Variants in RAD9B observed in about 807,000 individuals in gnomAD.
RAD9B encodes the protein cell cycle checkpoint control protein RAD9B.
RAD9B carries 41 observed loss-of-function variants against 48.3 expected under a neutral mutation model. That is an observed-to-expected ratio of 0.85 (90% CI 0.66 to 1.10). RAD9B has a LOEUF of 1.10. Ranked by LOEUF, RAD9B falls within the 50% of genes least tolerant of loss-of-function variation. The pLI is 0.00. For missense variants in RAD9B, 444 were observed against 485.1 expected (o/e 0.92, Z 0.80); for synonymous variants, 160 against 157.9 (o/e 1.01, Z -0.10).
At position 110,531,737 on chromosome 12, in the gene RAD9B, C is replaced by T. The variant is rs2064145622; in HGVS notation, c.*1084C>T. 5 of 1,002,930 alleles carry T rather than the reference C, an allele frequency of 5.0e-6. No homozygotes were observed. The highest frequency in any genetic ancestry group is 7.4e-6 in the Non-Finnish European group (5 of 678,116). 62.1% of individuals were successfully genotyped at this position (1,002,930 alleles called of 1,614,324 possible). A position where few individuals can be genotyped will look rare whatever the true frequency, so the allele number is the denominator to read the frequency against. On this transcript the variant is annotated 3_prime_UTR_variant, in exon 11 of 11. Transcript: ENST00000409300. ...CCTTTAAGAGTTAGCTTTTTACCTG[C>T]ACAAATGGACTAAAAAATCTGGCAC...
chr12:110,531,366 G>C lies in RAD9B; in HGVS notation c.*713G>C, dbSNP rs1190482647. ...TGCCACCATGCCTGGCTAATTTCTG[G>C]TATTTTGTAGAGACAGGGTTTCGCC... On this transcript the variant is annotated 3_prime_UTR_variant, in exon 11 of 11. Coordinates refer to ENST00000409300, the MANE Select transcript of RAD9B (RefSeq NM_001286535.2). 1.4e-5 allele frequency: 6 copies of C among 432,082 alleles called. No individual in the cohort carries two copies. Among genetic ancestry groups the C allele is most frequent in the Admixed American group, 4.4e-5 (1 of 22,602 alleles). The allele number at this position is 432,082 out of a possible 1,614,324, so 26.8% of individuals were successfully genotyped here.
chr12:110,505,009 G>A (rs992038647), intron 2 of RAD9B, among the ~76,000 whole-genome samples: 1 of 151,924 alleles, frequency 6.6e-6, no homozygotes, highest in Non-Finnish European at 1.5e-5. Context: ...TTGAAAAAAA[G>A]TAAAAAAGAA....
intron 1 of RAD9B, chr12:110,502,997 C>G (rs1348738302): frequency 1.3e-5 from 2 of 153,378 alleles, no homozygotes; most frequent in African/African-American, 4.8e-5. Context: ...GTAATCCTAG[C>G]ACTTTGGGAG....
chr12:110,503,765 G>A (rs2063172743), intron 1 of RAD9B, 41 bp from the exon 2 acceptor site: 1 of 1,419,088 alleles, frequency 7.0e-7, no homozygotes, highest in Admixed American at 1.8e-5. Flanking sequence ...TTTATTGTTA[G>A]AGGGAAAGAA....
chr12:110,503,769 G>T (rs779589584), intron 1 of RAD9B, 37 bp from the exon 2 acceptor site: 3 of 1,455,678 alleles, frequency 2.1e-6, no homozygotes, highest in Middle Eastern at 1.7e-4. Context: ...TTGTTAGAGG[G>T]AAAGAATATA....
rs928615378 is a variant in RAD9B at position 110,522,035 on chromosome 12, A to T, written c.891-142A>T. On this transcript the variant is annotated intron_variant, in intron 9 of 10. Coordinates refer to ENST00000409300, the MANE Select transcript of RAD9B (RefSeq NM_001286535.2). ...ATAAATGATCATATATATAAATTTT[A>T]ACTTGCAACAATTTAGTTCCATGTA... 27 of 604,922 alleles carry T rather than the reference A, an allele frequency of 4.5e-5. 1 individual carries two copies. The highest frequency in any genetic ancestry group is 4.0e-4 in the South Asian group (17 of 42,172). The allele number at this position is 604,922 out of a possible 1,614,324, so 37.5% of individuals were successfully genotyped here.
chr12:110,512,942 C>A (rs988688625), intron 5 of RAD9B, 64 bp downstream of exon 5: 3 of 774,502 alleles, frequency 3.9e-6, no homozygotes, highest in Non-Finnish European at 6.5e-6. Context: ...AGTGAAGAAT[C>A]AATGCCCTAG....
At chr12:110,507,445 T>C (rs1214580514) in intron 4 of RAD9B, among the ~76,000 whole-genome samples, 3 of 139,802 alleles carry the variant, frequency 2.1e-5, no homozygotes, top group Non-Finnish European at 4.6e-5. Flanking sequence ...TTAAATATAA[T>C]ATATAACACG....
Position 110,531,942 on chromosome 12 carries a change from A to G in RAD9B, c.*1289A>G, listed in dbSNP as rs544212550. On this transcript the variant is annotated 3_prime_UTR_variant, in exon 11 of 11. Coordinates refer to ENST00000409300, the MANE Select transcript of RAD9B (RefSeq NM_001286535.2). ...AGTTGTACTTTAGACTTTGTGAGAA[A>G]TTCATAAAGGTGGCTGAGTGGATTT... is the stretch of plus-strand genomic sequence containing the variant. 6.5e-6 allele frequency: 2 copies of G among 305,752 alleles called. No individual in the cohort carries two copies. The highest frequency in any genetic ancestry group is 5.4e-5 in the Admixed American group (1 of 18,368). The allele number at this position is 305,752 out of a possible 1,614,324, so 18.9% of individuals were successfully genotyped here.
rs1465600839 is a variant in RAD9B, at chr12:110,532,031, TAGTAATG to T, written c.*1382_*1388del. ...CAGAATTAATTTGGCTCTTGTAGCTTAGTAATGAGTCATAGCTACCCACAATAACCTA... is the reference window on the plus strand; with the variant it reads ...CAGAATTAATTTGGCTCTTGTAGCTTAGTCATAGCTACCCACAATAACCTA... On this transcript the variant is annotated 3_prime_UTR_variant, in exon 11 of 11. Transcript: ENST00000409300. 2.4e-5 allele frequency: 4 copies of T among 168,038 alleles called. No individual in the cohort carries two copies. The highest frequency in any genetic ancestry group is 3.8e-5 in the Non-Finnish European group (3 of 79,090). The allele number at this position is 168,038 out of a possible 1,614,324, so 10.4% of individuals were successfully genotyped here. A position where few individuals can be genotyped will look rare whatever the true frequency, so the allele number is the denominator to read the frequency against.
chr12:110,506,572 G>A lies in RAD9B; in HGVS notation c.274-7G>A. Reference sequence around the variant, plus strand: ...GTATGTGCTTAATATGTATATTTCTGTTACAGTCAATTTTGCCCATCTTTA... The same window carrying A: ...GTATGTGCTTAATATGTATATTTCTATTACAGTCAATTTTGCCCATCTTTA... On this transcript the variant is annotated splice_region_variant and splice_polypyrimidine_tract_variant and intron_variant, in intron 3 of 10. Coordinates refer to ENST00000409300, the MANE Select transcript of RAD9B (RefSeq NM_001286535.2). The A allele has an allele frequency of 7.6e-7, 1 of 1,316,732 alleles. No individual in the cohort carries two copies. The allele number at this position is 1,316,732 out of a possible 1,614,324, so 81.6% of individuals were successfully genotyped here.
chr12:110,505,672 C>T lies in RAD9B; in HGVS notation c.173C>T (p.Ser58Phe). ...SRSAYGCVLF[S>F]PVFFQHYQWS... Reference sequence around the variant, plus strand: ...TCAGCATATGGATGTGTCCTGTTCTCTCCTGTGTTTTTTCAGCATTATCAA... The same window carrying T: ...TCAGCATATGGATGTGTCCTGTTCTTTCCTGTGTTTTTTCAGCATTATCAA... The change falls in exon 3 of 11, where the codon TCT becomes TTT. Residue 58 changes from serine to phenylalanine, a missense_variant. Physicochemically the swap from Ser to Phe is radical, Grantham distance 155. Coordinates refer to ENST00000409300, the MANE Select transcript of RAD9B (RefSeq NM_001286535.2). The T allele has an allele frequency of 6.3e-7, 1 of 1,588,504 alleles. No homozygotes were observed.
chr12:110,514,279 T>C (rs1156733421), intron 5 of RAD9B, among the ~76,000 whole-genome samples: 1 of 146,732 alleles, frequency 6.8e-6, no homozygotes. Context: ...CTAAGAATTT[T>C]ATTTTATCTT....
In RAD9B at chr12:110,512,758, G is replaced by T. The variant is rs530338714; in HGVS notation, c.389-21G>T. On this transcript the variant is annotated intron_variant, in intron 4 of 10. Transcript: ENST00000409300. ...AGTTTTGTACTTAAAATTATTAAGA[G>T]GTGGCTTTATTCTTTTTAAGGTATT... 1.1e-4 allele frequency: 105 copies of T among 948,806 alleles called. No individual in the cohort carries two copies. In the East Asian group the frequency reaches 2.7e-3, roughly 24 times the overall value. 58.8% of individuals were successfully genotyped at this position (948,806 alleles called of 1,614,324 possible).
rs537833054 is a variant in RAD9B at position 110,533,234 on chromosome 12, A to G, written c.*2581A>G. The G allele has an allele frequency of 2.0e-5, 3 of 152,236 alleles. No individual in the cohort carries two copies. The highest frequency in any genetic ancestry group is 7.2e-5 in the African/African-American group (3 of 41,456). 9.4% of individuals were successfully genotyped at this position (152,236 alleles called of 1,614,324 possible). On this transcript the variant is annotated 3_prime_UTR_variant, in exon 11 of 11. Coordinates refer to ENST00000409300, the MANE Select transcript of RAD9B (RefSeq NM_001286535.2). The stretch of plus-strand genomic sequence containing the variant: ...ATTTAGTTACTATTCAAACCAAAAG[A>G]AGCACACAGATTAGTATAAATACTA...
chr12:110,521,041 C>T (rs2063769790), intron 9 of RAD9B, among the ~76,000 whole-genome samples: 2 of 152,006 alleles, frequency 1.3e-5, no homozygotes, highest in African/African-American at 4.8e-5. Flanking sequence ...GAGAAAAGTA[C>T]AAAGAAGAAA....
intron 6 of RAD9B, among the ~76,000 whole-genome samples, chr12:110,516,883 T>C (rs1362293065): frequency 1.3e-5 from 2 of 152,190 alleles, no homozygotes; most frequent in East Asian, 1.9e-4. Context: ...ATAATTGATA[T>C]TCATTGAAGA....
chr12:110,512,879 G>A lies in RAD9B; in HGVS notation c.488+1G>A, dbSNP rs773353038. 3.4e-6 allele frequency: 5 copies of A among 1,461,504 alleles called. No individual in the cohort carries two copies. In the South Asian group the frequency reaches 3.5e-5, roughly 10 times the overall value. 90.5% of individuals were successfully genotyped at this position (1,461,504 alleles called of 1,614,324 possible). On this transcript the variant is annotated splice_donor_variant, in intron 5 of 10. Coordinates refer to ENST00000409300, the MANE Select transcript of RAD9B (RefSeq NM_001286535.2). LOFTEE classifies it high-confidence loss of function. The stretch of plus-strand genomic sequence containing the variant: ...CTAATACGCTAATGATTCAACCAAG[G>A]TAATGAGTTCTCTGTTGTCAGTTTT...
intron 5 of RAD9B, 129 bp downstream of exon 5, chr12:110,513,007 C>T (rs1361676856): frequency 1.7e-6 from 1 of 576,754 alleles, no homozygotes; most frequent in African/African-American, 2.0e-5. Context: ...GCTGTGTCGC[C>T]CAGGCTGGAG....
Sources: allele counts gnomAD v4.1 joint callset (sites outside exome capture counted in the v4.1 genomes callset), GRCh38; gene constraint gnomAD v4.1.1; transcripts MANE v1.5; gene names NCBI Gene and HGNC (gene_info 2026-07-23, HGNC 2026-07-21).